ALG14: variants seen among roughly 807,000 people sequenced by gnomAD.
ALG14 encodes the protein UDP-N-acetylglucosamine transferase subunit ALG14.
In ALG14, 17 loss-of-function variants were observed where a neutral mutation model predicts 22.8. The ratio of observed to expected loss-of-function variants is 0.75; its 90% CI spans 0.51 to 1.12. The LOEUF is 1.12. ALG14 is among the 50% of genes most tolerant of loss of function. The pLI, the probability that ALG14 is intolerant of heterozygous loss-of-function variation, is 0.00. For synonymous variants in ALG14, 89 were observed against 103.7 expected, an observed-to-expected ratio of 0.86 and a Z score of 0.86; for missense variants, 288 against 271.8, an observed-to-expected ratio of 1.06 and a Z score of -0.42.
chr1:95,067,451 A>T (rs1675412130), intron 1 of ALG14: 1 of 152,196 alleles, frequency 6.6e-6, no homozygotes, highest in African/African-American at 2.4e-5. Flanking sequence ...TCTTGAATAC[A>T]CTTATTATCT....
At chr1:95,025,773 G>A (rs1178580909) in intron 3 of ALG14, among the ~76,000 whole-genome samples, 1 of 152,154 alleles carries the variant, frequency 6.6e-6, no homozygotes, top group African/African-American at 2.4e-5. Flanking sequence ...ACCTCTCTCA[G>A]TCTTTACAGA....
intron 2 of ALG14, among the ~76,000 whole-genome samples, chr1:95,035,662 T>A (rs1163825615): frequency 1.3e-5 from 2 of 152,222 alleles, no homozygotes; most frequent in Non-Finnish European, 2.9e-5. Context: ...CAGAATTACA[T>A]CACTGTTAAA....
chr1:95,053,060 C>A (rs2100817395), intron 2 of ALG14, among the ~76,000 whole-genome samples: 1 of 152,140 alleles, frequency 6.6e-6, no homozygotes, highest in East Asian at 1.9e-4. Flanking sequence ...CATCAGTAAT[C>A]ACAACAAATG....
At chr1:94,993,608 T>C (rs1183810706) in intron 3 of ALG14, among the ~76,000 whole-genome samples, 1 of 152,144 alleles carries the variant, frequency 6.6e-6, no homozygotes, top group Non-Finnish European at 1.5e-5. Context: ...TGTAGTATAC[T>C]TCTCAGACCA....
At chr1:94,983,430 C>T (rs1672552653) in intron 3 of ALG14, 124 bp from the exon 4 acceptor site, 1 of 807,704 alleles carries the variant, frequency 1.2e-6, no homozygotes, top group East Asian at 2.7e-5. Flanking sequence ...CCTTCTCTGT[C>T]AAGAACCAGG....
chr1:94,980,120 A>G lies in ALG14; in HGVS notation c.*2956T>C, dbSNP rs1672470018. 6.6e-6 allele frequency: 1 copy of G among 151,850 alleles called. No individual in the cohort carries two copies. The highest frequency in any genetic ancestry group is 1.5e-5 in the Non-Finnish European group (1 of 67,990). The allele number at this position is 151,850 out of a possible 1,614,324, so 9.4% of individuals were successfully genotyped here. ...GTATAGTAAAGGGGTACGTTTCTCA[A>G]TTTTAACTTACCATGTATCTTTGAA... is the stretch of plus-strand genomic sequence containing the variant. On this transcript the variant is annotated 3_prime_UTR_variant, in exon 4 of 4. Transcript: ENST00000370205.
chr1:95,065,133 A>C, intron 1 of ALG14, 116 bp from the exon 2 acceptor site: 1 of 844,646 alleles, frequency 1.2e-6, no homozygotes. Flanking sequence ...CTGTAATTGT[A>C]TATTTCTCAG....
rs1002795107 is a variant in ALG14, at chr1:94,977,362, A to C, written c.*5714T>G. The C allele has an allele frequency of 6.6e-6, 1 of 152,232 alleles. No homozygotes were observed. The highest frequency in any genetic ancestry group is 1.5e-5 in the Non-Finnish European group (1 of 68,054). 9.4% of individuals were successfully genotyped at this position (152,232 alleles called of 1,614,324 possible). On this transcript the variant is annotated 3_prime_UTR_variant, in exon 4 of 4. Coordinates refer to ENST00000370205, the MANE Select transcript of ALG14 (RefSeq NM_144988.4). The stretch of plus-strand genomic sequence containing the variant: ...AATTCGCTGATGTGACATTATGTAA[A>C]GCAGCAGTTCTTAAAATGTGGTCCA...
At position 94,983,036 on chromosome 1, in the gene ALG14, C is replaced by T; in HGVS notation, c.*40G>A. The T allele has an allele frequency of 6.3e-7, 1 of 1,578,892 alleles. No individual in the cohort carries two copies. The highest frequency in any genetic ancestry group is 8.7e-7 in the Non-Finnish European group (1 of 1,148,536). Reference sequence around the variant, plus strand: ...TTCCCCCCAATTTGAGTACATACTACTGTTAACTGCAAAATTCTAAAGAAG... The same window carrying T: ...TTCCCCCCAATTTGAGTACATACTATTGTTAACTGCAAAATTCTAAAGAAG... On this transcript the variant is annotated 3_prime_UTR_variant, in exon 4 of 4. Transcript: ENST00000370205.
chr1:94,975,836 T>G lies in ALG14; in HGVS notation c.*7240A>C, dbSNP rs1331312173. On this transcript the variant is annotated 3_prime_UTR_variant, in exon 4 of 4. Transcript: ENST00000370205. ...TAACACAGTGAAACCCTGTCTCTAC[T>G]AAAAATACAAAAAAAACAAACAAAA... 6.7e-6 allele frequency: 1 copy of G among 148,530 alleles called. No homozygotes were observed. The allele number at this position is 148,530 out of a possible 1,614,324, so 9.2% of individuals were successfully genotyped here.
At chr1:95,002,012 G>A (rs1673083279) in intron 3 of ALG14, among the ~76,000 whole-genome samples, 1 of 152,174 alleles carries the variant, frequency 6.6e-6, no homozygotes, top group South Asian at 2.1e-4. Flanking sequence ...TTCCACTTTG[G>A]TGCTTCTCAT....
At chr1:95,041,300 C>T (rs1229422825) in intron 2 of ALG14, among the ~76,000 whole-genome samples, 2 of 152,044 alleles carry the variant, frequency 1.3e-5, no homozygotes, top group Non-Finnish European at 2.9e-5. Context: ...CTATGTTAAG[C>T]CACCAGTTGT....
intron 3 of ALG14, among the ~76,000 whole-genome samples, chr1:95,017,640 G>C (rs139957579): frequency 1.1e-3 from 167 of 152,238 alleles, no homozygotes; most frequent in African/African-American, 3.6e-3. Flanking sequence ...ACAGAAGAGA[G>C]AGGAGGGCCA....
At chr1:95,063,856 T>C (rs1675255431) in intron 2 of ALG14, among the ~76,000 whole-genome samples, 1 of 152,246 alleles carries the variant, frequency 6.6e-6, no homozygotes, top group African/African-American at 2.4e-5. Flanking sequence ...GCATTGAATC[T>C]ATAAATTACT....
At chr1:95,046,981 CAT>C (rs975667452) in intron 2 of ALG14, among the ~76,000 whole-genome samples, 1 of 77,482 alleles carries the variant, frequency 1.3e-5, no homozygotes, top group Non-Finnish European at 2.6e-5. Flanking sequence ...AAAAACATAA[CAT>C]AACATAACAT....
intron 2 of ALG14, among the ~76,000 whole-genome samples, chr1:95,043,053 G>T (rs528595012): frequency 2.0e-4 from 30 of 151,758 alleles, no homozygotes; most frequent in African/African-American, 6.0e-4. Flanking sequence ...TAGCCAAGGG[G>T]TTTTTTTTGT....
At chr1:95,035,029 A>C (rs1473183309) in intron 2 of ALG14, among the ~76,000 whole-genome samples, 1 of 152,132 alleles carries the variant, frequency 6.6e-6, no homozygotes, top group Non-Finnish European at 1.5e-5. Flanking sequence ...TAGGGGAAAA[A>C]TCAAAATAAG....
At chr1:95,039,527 G>A (rs993227617) in intron 2 of ALG14, among the ~76,000 whole-genome samples, 3 of 152,168 alleles carry the variant, frequency 2.0e-5, no homozygotes, top group Non-Finnish European at 2.9e-5. Context: ...GTACTGTCAT[G>A]ACCTGGGGAG....
intron 1 of ALG14, among the ~76,000 whole-genome samples, chr1:95,067,954 C>T (rs1343219982): frequency 6.6e-6 from 1 of 152,218 alleles, no homozygotes; most frequent in East Asian, 1.9e-4. Flanking sequence ...TTGCTGTTGG[C>T]TGTCATCTCC....
Sources: gnomAD v4.1 joint callset for allele counts (sites outside exome capture counted in the v4.1 genomes callset) on GRCh38, gnomAD v4.1.1 for gene constraint, MANE v1.5 for transcripts, NCBI Gene and HGNC (gene_info 2026-07-23, HGNC 2026-07-21) for gene names.